BIRC3: variants seen among roughly 807,000 people sequenced by gnomAD.
BIRC3 encodes the protein baculoviral IAP repeat containing 3.
In BIRC3, 26 loss-of-function variants were observed where a neutral mutation model predicts 59.0. That is an observed-to-expected ratio of 0.44 (90% confidence interval 0.32 to 0.61). BIRC3 has a LOEUF of 0.61. Among genes scored for constraint, BIRC3 ranks in the 20% least tolerant of loss-of-function variants. The pLI is 0.04. For synonymous variants in BIRC3, 243 were observed against 249.2 expected (o/e 0.98, Z 0.24); for missense variants, 641 against 711.5 (o/e 0.90, Z 1.13).
chr11:102,324,056 A>T lies in BIRC3; in HGVS notation c.-454A>T, dbSNP rs1951057906. 1 of 212,976 alleles carries T rather than the reference A, an allele frequency of 4.7e-6. No homozygotes were observed. 13.2% of individuals were successfully genotyped at this position (212,976 alleles called of 1,614,324 possible). On this transcript the variant is annotated 5_prime_UTR_variant, in exon 2 of 9. Transcript: ENST00000263464. ...ATTCTGAATATTTTTGCTGTGAAAC[A>T]CTTGACAGCAGAGCTTTCCACCATG...
chr11:102,335,902 G>A, intron 6 of BIRC3, 64 bp from the exon 7 acceptor site: 1 of 1,488,504 alleles, frequency 6.7e-7, no homozygotes, highest in Non-Finnish European at 9.1e-7. Context: ...TATATATATA[G>A]GACTGGAAGG....
rs1186742672 is a variant in BIRC3 at position 102,317,503 on chromosome 11, G to T, written c.-2742G>T. On this transcript the variant is annotated 5_prime_UTR_variant, in exon 1 of 9. Coordinates refer to ENST00000263464, the MANE Select transcript of BIRC3 (RefSeq NM_001165.5). ...CCCTCCGGCACGGAAAAGGCCAGGCGACAGGTGTCGCTTGAAAAGACTGGG... is the reference window on the plus strand; with the variant it reads ...CCCTCCGGCACGGAAAAGGCCAGGCTACAGGTGTCGCTTGAAAAGACTGGG... 3 of 152,418 alleles carry T rather than the reference G, an allele frequency of 2.0e-5. No homozygotes were observed. In the East Asian group the frequency reaches 5.8e-4, roughly 29 times the overall value. The allele number at this position is 152,418 out of a possible 1,614,324, so 9.4% of individuals were successfully genotyped here. A position where few individuals can be genotyped will look rare whatever the true frequency, so the allele number is the denominator to read the frequency against.
At chr11:102,326,835 A>G in intron 3 of BIRC3, 1 of 452,346 alleles carries the variant, frequency 2.2e-6, no homozygotes, top group Non-Finnish European at 4.4e-6. Flanking sequence ...GAGCCTCGCT[A>G]GTAGCTGGGA....
At chr11:102,325,989 G>C (rs1951076949) in intron 3 of BIRC3, among the ~76,000 whole-genome samples, 1 of 151,960 alleles carries the variant, frequency 6.6e-6, no homozygotes, top group Non-Finnish European at 1.5e-5. Flanking sequence ...TATACATATA[G>C]AAATAAATGT....
At chr11:102,317,981 C>G (rs146717774) in intron 1 of BIRC3, among the ~76,000 whole-genome samples, 35 of 152,114 alleles carry the variant, frequency 2.3e-4, no homozygotes, top group African/African-American at 7.2e-4. Flanking sequence ...TGTTTCCAAG[C>G]GGTGGTAGGA....
intron 4 of BIRC3, 25 bp from the exon 5 acceptor site, chr11:102,328,871 TA>T (rs758797086): frequency 1.7e-5 from 14 of 823,540 alleles, no homozygotes; most frequent in Admixed American, 4.3e-5. Flanking sequence ...TATATATATA[TA>T]TATATATATT....
At position 102,324,676 on chromosome 11, in the gene BIRC3, A is replaced by G. The variant is rs765765029; in HGVS notation, c.167A>G (p.Tyr56Cys). 1.9e-6 allele frequency: 3 copies of G among 1,614,196 alleles called. No individual in the cohort carries two copies. Among genetic ancestry groups the G allele is most frequent in the Admixed American group, 1.7e-5 (1 of 60,014 alleles). ...SERSLARAGF[Y>C]YTGVNDKVKC... ...AGGAGTCTTGCTCGTGCTGGTTTCT[A>G]TTACACTGGTGTGAATGACAAGGTC... The change falls in exon 2 of 9, where the codon TAT becomes TGT. Residue 56 changes from tyrosine to cysteine, a missense_variant. Coordinates refer to ENST00000263464, the MANE Select transcript of BIRC3 (RefSeq NM_001165.5).
rs1028834336 is a variant in BIRC3, at chr11:102,324,171, G to A, written c.-339G>A. 2.5e-5 allele frequency: 6 copies of A among 243,734 alleles called. No individual in the cohort carries two copies. The highest frequency in any genetic ancestry group is 4.8e-5 in the Non-Finnish European group (6 of 125,290). 15.1% of individuals were successfully genotyped at this position (243,734 alleles called of 1,614,324 possible). ...GTAGCCTGGAGAAGTTGACCTACCT[G>A]TGGAGATGCCTGCCATTAAATGGCA... On this transcript the variant is annotated 5_prime_UTR_variant, in exon 2 of 9. In the 5' UTR this introduces an upstream ATG that the reference lacks. Transcript: ENST00000263464.
intron 1 of BIRC3, among the ~76,000 whole-genome samples, chr11:102,320,553 T>C (rs890499107): frequency 6.6e-6 from 1 of 152,190 alleles, no homozygotes; most frequent in African/African-American, 2.4e-5. Flanking sequence ...GAGTGAGCCA[T>C]GGCATGAGGC....
chr11:102,317,596 T>C (rs1324314175), intron 1 of BIRC3, 25 bp downstream of exon 1: 1 of 153,238 alleles, frequency 6.5e-6, no homozygotes. Flanking sequence ...CTGGTGTGTG[T>C]GTGTGTGTGT....
intron 6 of BIRC3, among the ~76,000 whole-genome samples, chr11:102,333,599 C>CA (rs1412085152): frequency 4.6e-5 from 7 of 150,850 alleles, no homozygotes; most frequent in African/African-American, 1.5e-4. Context: ...GAAAGAAAAG[C>CA]AAAAACAAAA....
intron 6 of BIRC3, among the ~76,000 whole-genome samples, chr11:102,331,655 A>AT (rs1447653833): frequency 6.6e-6 from 1 of 151,018 alleles, no homozygotes; most frequent in Non-Finnish European, 1.5e-5. Context: ...ACAATTATTA[A>AT]TTTTTTTTTG....
In BIRC3 at chr11:102,338,911, CTT is replaced by C. The variant is rs1203707330; in HGVS notation, c.*1811_*1812del. The C allele has an allele frequency of 2.3e-5, 5 of 221,282 alleles. No homozygotes were observed. Among genetic ancestry groups the C allele is most frequent in the African/African-American group, 1.1e-4 (5 of 44,660 alleles). 13.7% of individuals were successfully genotyped at this position (221,282 alleles called of 1,614,324 possible). ...AGGGCAGGATAACATCAGAGAAAAACTTTGCTTCTGAGGCCTTCACTTTGGGT... is the reference window on the plus strand; with the variant it reads ...AGGGCAGGATAACATCAGAGAAAAACTGCTTCTGAGGCCTTCACTTTGGGT... On this transcript the variant is annotated 3_prime_UTR_variant, in exon 9 of 9. Transcript: ENST00000263464.
rs1951213610 is a variant in BIRC3 at position 102,337,883 on chromosome 11, C to G, written c.*781C>G. The G allele has an allele frequency of 4.4e-6, 1 of 228,872 alleles. No homozygotes were observed. The highest frequency in any genetic ancestry group is 8.7e-6 in the Non-Finnish European group (1 of 115,506). The allele number at this position is 228,872 out of a possible 1,614,324, so 14.2% of individuals were successfully genotyped here. On this transcript the variant is annotated 3_prime_UTR_variant, in exon 9 of 9. Transcript: ENST00000263464. ...CATTGACACTTGTAGAACACGGGGT[C>G]AACACATCATAAAATCTATTATGGA...
At position 102,325,451 on chromosome 11, in the gene BIRC3, T is replaced by C. The variant is rs1951072764; in HGVS notation, c.854-15T>C. 6.2e-7 allele frequency: 1 copy of C among 1,607,496 alleles called. No individual in the cohort carries two copies. The highest frequency in any genetic ancestry group is 1.3e-5 in the African/African-American group (1 of 74,818). ...TTATGTGTATTCATAAGTTTTGGTCTAAAATTAATTTTAGGTAACAGTGAT... is the reference window on the plus strand; with the variant it reads ...TTATGTGTATTCATAAGTTTTGGTCCAAAATTAATTTTAGGTAACAGTGAT... On this transcript the variant is annotated splice_polypyrimidine_tract_variant and intron_variant, in intron 2 of 8. Transcript: ENST00000263464.
intron 6 of BIRC3, among the ~76,000 whole-genome samples, chr11:102,332,842 T>G (rs1951158032): frequency 6.6e-6 from 1 of 152,222 alleles, no homozygotes; most frequent in Non-Finnish European, 1.5e-5. Flanking sequence ...CATCAAATTC[T>G]CTTTTCTCTG....
chr11:102,321,599 C>G (rs1272361557), intron 1 of BIRC3, among the ~76,000 whole-genome samples: 3 of 152,218 alleles, frequency 2.0e-5, no homozygotes, highest in Non-Finnish European at 4.4e-5. Context: ...AAGTGATCCA[C>G]TTGTCTTGGC....
At position 102,337,583 on chromosome 11, in the gene BIRC3, C is replaced by G. The variant is rs769824495; in HGVS notation, c.*481C>G. 2 of 375,590 alleles carry G rather than the reference C, an allele frequency of 5.3e-6. No individual in the cohort carries two copies. Among genetic ancestry groups the G allele is most frequent in the African/African-American group, 2.1e-5 (1 of 48,172 alleles). 23.3% of individuals were successfully genotyped at this position (375,590 alleles called of 1,614,324 possible). On this transcript the variant is annotated 3_prime_UTR_variant, in exon 9 of 9. Transcript: ENST00000263464. ...CCTTTAAAAACAAACAGAACAAAAA[C>G]AAAACACCAGGGACACATTTCTCTG...
At chr11:102,336,699 A>T in intron 7 of BIRC3, 61 bp from the exon 8 acceptor site, 1 of 1,496,068 alleles carries the variant, frequency 6.7e-7, no homozygotes, top group African/African-American at 1.4e-5. Context: ...TTTAAAATAG[A>T]TTCCATAGCT....
Sources: allele counts gnomAD v4.1 joint callset (sites outside exome capture counted in the v4.1 genomes callset), GRCh38; gene constraint gnomAD v4.1.1; transcripts MANE v1.5; gene names NCBI Gene and HGNC (gene_info 2026-07-23, HGNC 2026-07-21).